SHC3: variants seen among roughly 807,000 people sequenced by gnomAD.
SHC3 encodes the protein SHC adaptor protein 3.
In SHC3, 15 loss-of-function variants were observed where a neutral mutation model predicts 60.4. The observed-to-expected ratio is 0.25, with a 90% confidence interval of 0.17 to 0.38. The LOEUF is 0.38. SHC3 is among the 10% of genes least tolerant of loss of function. SHC3 has a pLI of 1.00. For missense variants in SHC3, 677 were observed against 786.1 expected (o/e 0.86, Z 1.66); for synonymous variants, 294 against 325.9 (o/e 0.90, Z 1.05).
At chr9:89,127,848 G>C (rs1256208284) in intron 1 of SHC3, among the ~76,000 whole-genome samples, 2 of 151,352 alleles carry the variant, frequency 1.3e-5, no homozygotes, top group East Asian at 3.9e-4. Context: ...TGGGGGTATA[G>C]GATCCAGTAT....
chr9:89,035,392 C>T (rs369742712), intron 11 of SHC3, among the ~76,000 whole-genome samples: 7 of 152,120 alleles, frequency 4.6e-5, no homozygotes, highest in African/African-American at 1.4e-4. Context: ...ATATGAAGCT[C>T]AGTAAAACGG....
At chr9:89,033,663 T>G (rs1391796108) in intron 11 of SHC3, among the ~76,000 whole-genome samples, 1 of 152,216 alleles carries the variant, frequency 6.6e-6, no homozygotes, top group Admixed American at 6.5e-5. Flanking sequence ...ACTATGGCAC[T>G]AAACAAGTTT....
At chr9:89,108,454 G>C (rs1412453686) in intron 2 of SHC3, among the ~76,000 whole-genome samples, 1 of 152,090 alleles carries the variant, frequency 6.6e-6, no homozygotes, top group Non-Finnish European at 1.5e-5. Context: ...CTGGGAGGCA[G>C]AGGTTGCAGT....
intron 1 of SHC3, among the ~76,000 whole-genome samples, chr9:89,157,730 C>T (rs1319804784): frequency 6.6e-6 from 1 of 152,118 alleles, no homozygotes; most frequent in East Asian, 1.9e-4. Flanking sequence ...CTCCTCCTGC[C>T]TCAGCCTCCT....
chr9:89,031,473 T>C (rs1824491418), intron 11 of SHC3, among the ~76,000 whole-genome samples: 1 of 152,242 alleles, frequency 6.6e-6, no homozygotes, highest in Non-Finnish European at 1.5e-5. Flanking sequence ...TCCTGAACTT[T>C]ACTATGAATA....
At chr9:89,100,187 A>C (rs1825762329) in intron 2 of SHC3, among the ~76,000 whole-genome samples, 1 of 152,206 alleles carries the variant, frequency 6.6e-6, no homozygotes, top group Admixed American at 6.5e-5. Flanking sequence ...TCCAAGATGC[A>C]TATTTTTTTT....
At chr9:89,112,122 C>A (rs913403081) in intron 2 of SHC3, among the ~76,000 whole-genome samples, 2 of 152,202 alleles carry the variant, frequency 1.3e-5, no homozygotes, top group Non-Finnish European at 2.9e-5. Flanking sequence ...TGACCTACTC[C>A]CATGGCTGTT....
chr9:89,134,756 T>C (rs997207854), intron 1 of SHC3, among the ~76,000 whole-genome samples: 16 of 152,100 alleles, frequency 1.1e-4, no homozygotes, highest in Non-Finnish European at 1.9e-4. Flanking sequence ...ACTTTGGAGA[T>C]TGTAACATTA....
intron 11 of SHC3, among the ~76,000 whole-genome samples, chr9:89,032,600 A>T (rs998763845): frequency 6.6e-6 from 1 of 152,232 alleles, no homozygotes; most frequent in African/African-American, 2.4e-5. Context: ...AGACCCAGCT[A>T]CTGGCACTTT....
At chr9:89,135,910 CT>C (rs1826312185) in intron 1 of SHC3, among the ~76,000 whole-genome samples, 1 of 152,126 alleles carries the variant, frequency 6.6e-6, no homozygotes, top group Non-Finnish European at 1.5e-5. Flanking sequence ...CATAATTTTG[CT>C]TATTTTGCTT....
chr9:89,018,699 CT>C (rs34145222), intron 11 of SHC3, among the ~76,000 whole-genome samples: 1 of 137,470 alleles, frequency 7.3e-6, no homozygotes, highest in African/African-American at 2.8e-5. Context: ...TTCTTTCTTT[CT>C]TTTTTTTTTT....
chr9:89,087,407 C>T (rs1825548462), intron 2 of SHC3, among the ~76,000 whole-genome samples: 4 of 152,112 alleles, frequency 2.6e-5, no homozygotes, highest in Non-Finnish European at 5.9e-5. Context: ...TCAGAACTTT[C>T]CCCTCCCCTC....
intron 1 of SHC3, among the ~76,000 whole-genome samples, chr9:89,164,799 T>C (rs1011155251): frequency 6.6e-5 from 10 of 152,170 alleles, no homozygotes; most frequent in Non-Finnish European, 1.5e-4. Context: ...TAAAAATGTA[T>C]ATAATAGTAA....
Position 89,163,073 on chromosome 9 carries a change from T to G in SHC3, c.474+14914A>C, listed in dbSNP as rs1228863754. On this transcript the variant is annotated intron_variant, in intron 1 of 11. Transcript: ENST00000375835. ...CATCTCACACCAGTTAGAATGGCAA[T>G]CATTAAAAAGTCAGGAAACAACAGG... Among the ~76,000 whole-genome samples, 10 of 142,632 alleles carry G rather than the reference T, an allele frequency of 7.0e-5. No individual in the cohort carries two copies. The East Asian group carries it at 2.0e-3, about 29-fold the overall frequency. The allele number at this position is 142,632 out of a possible 152,430, so 93.6% of individuals were successfully genotyped here. A position where few individuals can be genotyped will look rare whatever the true frequency, so the allele number is the denominator to read the frequency against.
intron 7 of SHC3, among the ~76,000 whole-genome samples, chr9:89,051,436 C>CTA (rs1482132309): frequency 2.6e-5 from 4 of 152,158 alleles, no homozygotes; most frequent in Non-Finnish European, 4.4e-5. Context: ...TTCACACTCA[C>CTA]TATTTTGTTA....
In SHC3 at chr9:89,060,271, G is replaced by C. The variant is rs1157375525; in HGVS notation, c.835+5258C>G. Among the ~76,000 whole-genome samples the C allele has an allele frequency of 3.3e-5, 5 of 151,340 alleles. No homozygotes were observed. In the South Asian group the frequency reaches 1.0e-3, roughly 32 times the overall value. On this transcript the variant is annotated intron_variant, in intron 6 of 11. Coordinates refer to ENST00000375835, the MANE Select transcript of SHC3 (RefSeq NM_016848.6). ...GGTAGAGGATGTGGTGGAGGACATG[G>C]TGGAGGACAGTGGCAGAGGACAGTG...
intron 11 of SHC3, among the ~76,000 whole-genome samples, chr9:89,029,650 T>G (rs1824448418): frequency 6.6e-6 from 1 of 152,184 alleles, no homozygotes; most frequent in Admixed American, 6.5e-5. Context: ...TGGAAATTTA[T>G]TAGTTCACCT....
At position 89,112,425 on chromosome 9, in the gene SHC3, A is replaced by G. The variant is rs138289368; in HGVS notation, c.545+131T>C. ...GCACATGTCTTGAGATGAGGACAGT[A>G]CTGACTCACTGTCACCAGCCACTAA... On this transcript the variant is annotated intron_variant, in intron 2 of 11. Transcript: ENST00000375835. 422 of 869,394 alleles carry G rather than the reference A, an allele frequency of 4.9e-4. 5 individuals are homozygous for G. In the African/African-American group the frequency reaches 6.2e-3, roughly 13 times the overall value. The allele number at this position is 869,394 out of a possible 1,614,324, so 53.9% of individuals were successfully genotyped here.
intron 1 of SHC3, among the ~76,000 whole-genome samples, chr9:89,158,337 T>C (rs34627198): frequency 0.082 from 12,527 of 152,162 alleles, 633 homozygotes; most frequent in Admixed American, 0.14. Flanking sequence ...CAATTATTAA[T>C]TTAGTTCCAT....
Sources: gnomAD v4.1 joint callset for allele counts (sites outside exome capture counted in the v4.1 genomes callset) on GRCh38, gnomAD v4.1.1 for gene constraint, MANE v1.5 for transcripts, NCBI Gene and HGNC (gene_info 2026-07-23, HGNC 2026-07-21) for gene names.